Variants in EYS observed in about 807,000 individuals in gnomAD.
The protein encoded by EYS is protein eyes shut homolog.
A neutral mutation model predicts 282.1 loss-of-function variants in EYS; 250 were observed. That is an observed-to-expected ratio of 0.89 (90% CI 0.80 to 0.98). The LOEUF is 0.98. Among genes scored for constraint, EYS ranks in the 50% least tolerant of loss-of-function variants. The pLI, the probability that EYS is intolerant of heterozygous loss-of-function variation, is 0.00. For missense variants in EYS, 4,016 were observed against 3,709.0 expected (o/e 1.08, Z -2.15); for synonymous variants, 1,355 against 1,282.9 (o/e 1.06, Z -1.20).
intron 26 of EYS, among the ~76,000 whole-genome samples, chr6:64,466,072 A>G (rs566628308): frequency 3.6e-4 from 55 of 152,262 alleles, no homozygotes; most frequent in Admixed American, 6.5e-4. Flanking sequence ...GCCTGTTAGA[A>G]TGGTTATTAT....
At chr6:64,042,320 CAGTT>C (rs1770426925) in intron 33 of EYS, among the ~76,000 whole-genome samples, 1 of 152,188 alleles carries the variant, frequency 6.6e-6, no homozygotes, top group Admixed American at 6.5e-5. Flanking sequence ...CCTTGCTTCT[CAGTT>C]AGTAACAGGG....
chr6:64,577,781 G>C (rs1006473208), intron 26 of EYS, among the ~76,000 whole-genome samples: 2 of 151,978 alleles, frequency 1.3e-5, no homozygotes, highest in East Asian at 3.9e-4. Flanking sequence ...TCAGAGTTTC[G>C]CTTTATAATA....
intron 28 of EYS, among the ~76,000 whole-genome samples, chr6:64,430,244 C>T (rs887254266): frequency 1.3e-5 from 2 of 152,124 alleles, no homozygotes; most frequent in Admixed American, 1.3e-4. Context: ...GTTTTGAATG[C>T]ACAATTTGCT....
chr6:63,958,146 T>C (rs1765901442), intron 35 of EYS, among the ~76,000 whole-genome samples: 1 of 140,726 alleles, frequency 7.1e-6, no homozygotes, highest in South Asian at 2.3e-4. Context: ...AATCAACTAA[T>C]ATAATTCATT....
intron 26 of EYS, among the ~76,000 whole-genome samples, chr6:64,586,613 T>C (rs1766241204): frequency 6.6e-6 from 1 of 152,100 alleles, no homozygotes; most frequent in East Asian, 1.9e-4. Context: ...TGAACACATT[T>C]AATAAAATAT....
chr6:63,921,087 A>G (rs1004296976), intron 35 of EYS, among the ~76,000 whole-genome samples: 2 of 152,114 alleles, frequency 1.3e-5, no homozygotes, highest in Non-Finnish European at 1.5e-5. Context: ...TAGTAGAGAC[A>G]GGGTTTCACC....
chr6:64,878,171 G>A (rs1381609605), intron 19 of EYS, among the ~76,000 whole-genome samples: 1 of 152,098 alleles, frequency 6.6e-6, no homozygotes, highest in Non-Finnish European at 1.5e-5. Context: ...GTTGCAGTGA[G>A]CAGAGATTGC....
intron 31 of EYS, among the ~76,000 whole-genome samples, chr6:64,186,836 A>G (rs1427533347): frequency 6.6e-6 from 1 of 152,174 alleles, no homozygotes; most frequent in Non-Finnish European, 1.5e-5. Flanking sequence ...GTTATGTTTT[A>G]AAACTGATTA....
At chr6:63,904,950 G>A (rs1773739413) in intron 35 of EYS, among the ~76,000 whole-genome samples, 1 of 152,150 alleles carries the variant, frequency 6.6e-6, no homozygotes, top group African/African-American at 2.4e-5. Flanking sequence ...TAGTTCAGTG[G>A]CATTTAGTAC....
rs148225704 is a variant in EYS, at chr6:64,202,650, A to T, written c.6424+27942T>A. 6.0e-4 allele frequency among the ~76,000 whole-genome samples: 92 copies of T among 152,278 alleles called. No homozygotes were observed. In the East Asian group the frequency reaches 8.7e-3, roughly 14 times the overall value. On this transcript the variant is annotated intron_variant, in intron 31 of 42. Coordinates refer to ENST00000503581, the MANE Select transcript of EYS (RefSeq NM_001142800.2). The stretch of plus-strand genomic sequence containing the variant: ...TATCTACCTGGAACCAGAAAATGTA[A>T]TCTTGTTTGGCAAAAGGACCTTGCA...
At chr6:64,996,546 A>G (rs973372525) in intron 14 of EYS, among the ~76,000 whole-genome samples, 1 of 152,188 alleles carries the variant, frequency 6.6e-6, no homozygotes, top group African/African-American at 2.4e-5. Flanking sequence ...TGTGATTAAC[A>G]TGACTGCCTT....
chr6:64,760,804 T>G (rs529772208), intron 22 of EYS, among the ~76,000 whole-genome samples: 2 of 152,194 alleles, frequency 1.3e-5, no homozygotes, highest in East Asian at 3.9e-4. Context: ...GATGCTTCGG[T>G]GGGAACCCTA....
At chr6:64,523,005 A>G (rs1777804051) in intron 26 of EYS, among the ~76,000 whole-genome samples, 1 of 151,650 alleles carries the variant, frequency 6.6e-6, no homozygotes, top group Non-Finnish European at 1.5e-5. Flanking sequence ...AAAAGAAAAA[A>G]ATGTCAAGGG....
rs1435918153 is a variant in EYS, at chr6:64,475,334, A to G, written c.5645-35982T>C. On this transcript the variant is annotated intron_variant, in intron 26 of 42. Coordinates refer to ENST00000503581, the MANE Select transcript of EYS (RefSeq NM_001142800.2). The stretch of plus-strand genomic sequence containing the variant: ...TGGGAGGCCGAGGCGGGCGGATCAC[A>G]AGGTCAGGAGATCGAGACCATCCCG... 2.0e-4 allele frequency among the ~76,000 whole-genome samples: 27 copies of G among 132,486 alleles called. 9 individuals are homozygous for G. The highest frequency in any genetic ancestry group is 2.9e-4 in the Non-Finnish European group (17 of 59,516). 86.9% of individuals were successfully genotyped at this position (132,486 alleles called of 152,430 possible).
At chr6:65,300,645 T>C (rs1768794085) in intron 11 of EYS, among the ~76,000 whole-genome samples, 1 of 152,190 alleles carries the variant, frequency 6.6e-6, no homozygotes, top group South Asian at 2.1e-4. Context: ...AAAATATGGT[T>C]TGAAATTCCA....
chr6:64,919,397 T>C (rs1278025237), intron 15 of EYS, among the ~76,000 whole-genome samples: 1 of 138,024 alleles, frequency 7.2e-6, no homozygotes, highest in Non-Finnish European at 1.6e-5. Flanking sequence ...CAAACCTTCC[T>C]TTTTTATGTT....
intron 2 of EYS, among the ~76,000 whole-genome samples, chr6:65,592,703 A>G (rs981243655): frequency 1.2e-4 from 18 of 151,960 alleles, no homozygotes; most frequent in African/African-American, 4.1e-4. Context: ...ATGCACCACT[A>G]CTTCATTGCA....
chr6:63,874,603 CG>C (rs1024972205), intron 35 of EYS, among the ~76,000 whole-genome samples: 2 of 152,108 alleles, frequency 1.3e-5, no homozygotes, highest in African/African-American at 4.8e-5. Context: ...GCCATTTTCC[CG>C]ATATTGATTC....
chr6:64,626,632 C>A (rs943624123), intron 22 of EYS, among the ~76,000 whole-genome samples: 2 of 151,998 alleles, frequency 1.3e-5, no homozygotes, highest in African/African-American at 4.8e-5. Context: ...AGCCCTAAGT[C>A]AAGGAACACC....
Sources: allele counts gnomAD v4.1 joint callset (sites outside exome capture counted in the v4.1 genomes callset), GRCh38; gene constraint gnomAD v4.1.1; transcripts MANE v1.5; gene names NCBI Gene and HGNC (gene_info 2026-07-23, HGNC 2026-07-21).